The following PIP4K2C variants were observed in gnomAD, a reference collection of about 807,000 sequenced individuals.
PIP4K2C encodes phosphatidylinositol-5-phosphate 4-kinase type 2 gamma.
PIP4K2C carries 21 observed loss-of-function variants against 45.0 expected under a neutral mutation model. That is an observed-to-expected ratio of 0.47 (90% CI 0.33 to 0.67). The LOEUF is 0.67. Ranked by LOEUF, PIP4K2C falls within the 30% of genes least tolerant of loss-of-function variation. The probability of loss-of-function intolerance (pLI) is 0.02; values close to 1 mark genes in which losing one functional copy is unlikely to be tolerated. For synonymous variants in PIP4K2C, 201 were observed against 204.8 expected, an observed-to-expected ratio of 0.98 and a Z score of 0.16; for missense variants, 456 against 542.8, an observed-to-expected ratio of 0.84 and a Z score of 1.59.
chr12:57,600,246 G>A (rs1883370447), intron 6 of PIP4K2C, 78 bp from the exon 7 acceptor site: 1 of 824,346 alleles, frequency 1.2e-6, no homozygotes, highest in Middle Eastern at 3.1e-4. Context: ...AGCTAGCATA[G>A]AGCCCTAGAC....
In PIP4K2C at chr12:57,594,075, C is replaced by T; in HGVS notation, c.225C>T (p.Asp75=). 1 of 1,614,066 alleles carries T rather than the reference C, an allele frequency of 6.2e-7. No homozygotes were observed. Among genetic ancestry groups the T allele is most frequent in the Non-Finnish European group, 8.5e-7 (1 of 1,179,994 alleles). Residue 75 remains aspartate, a synonymous_variant, in exon 2 of 10, where the codon GAC becomes GAT. Transcript: ENST00000354947. ...CCCCGGTGATGCTGCTGCCAGATGACTTTAAGGCCAGCTCCAAGATCAAGG... is the reference window on the plus strand; with the variant it reads ...CCCCGGTGATGCTGCTGCCAGATGATTTTAAGGCCAGCTCCAAGATCAAGG... ...VPPPVMLLPD[D]FKASSKIKVN... is the part of the protein sequence containing the mutation.
chr12:57,593,039 T>C (rs1883029817), intron 1 of PIP4K2C, among the ~76,000 whole-genome samples: 1 of 151,994 alleles, frequency 6.6e-6, no homozygotes, highest in South Asian at 2.1e-4. Flanking sequence ...CTAGTAAGGA[T>C]AGGCAAGGCA....
chr12:57,600,191 A>G (rs1269837793), intron 6 of PIP4K2C, 133 bp from the exon 7 acceptor site: 1 of 530,198 alleles, frequency 1.9e-6, no homozygotes, highest in African/African-American at 2.0e-5. Flanking sequence ...AGGTGAGAAC[A>G]GACCAGGGAA....
intron 4 of PIP4K2C, among the ~76,000 whole-genome samples, chr12:57,597,090 A>C (rs1192657494): frequency 6.6e-6 from 1 of 152,212 alleles, no homozygotes; most frequent in East Asian, 1.9e-4. Flanking sequence ...CCAGATTGTA[A>C]AGAGGCTTAT....
chr12:57,595,115 C>T lies in PIP4K2C; in HGVS notation c.273-11C>T, dbSNP rs775648579. 3.9e-6 allele frequency: 6 copies of T among 1,555,492 alleles called. No homozygotes were observed. In the South Asian group the frequency reaches 5.6e-5, roughly 14 times the overall value. On this transcript the variant is annotated splice_polypyrimidine_tract_variant and intron_variant, in intron 2 of 9. Coordinates refer to ENST00000354947, the MANE Select transcript of PIP4K2C (RefSeq NM_024779.5). ...TTGTTTGTTTTCTTACTTTGAAAAC[C>T]TGAATTTCAGGGAAAATCTGCCCAG...
chr12:57,595,795 G>C, intron 3 of PIP4K2C, 93 bp from the exon 4 acceptor site: 2 of 1,369,562 alleles, frequency 1.5e-6, no homozygotes, highest in Non-Finnish European at 2.1e-6. Context: ...CCTACCCCAG[G>C]GATTCATCCA....
intron 7 of PIP4K2C, 33 bp downstream of exon 7, chr12:57,600,470 C>A: frequency 7.0e-7 from 1 of 1,435,090 alleles, no homozygotes; most frequent in South Asian, 1.2e-5. Flanking sequence ...AATGGCTTTC[C>A]TTTTTTTGCT....
chr12:57,603,231 ACT>A lies in PIP4K2C; in HGVS notation c.*1628_*1629del, dbSNP rs983383967. 4 of 152,024 alleles carry A rather than the reference ACT, an allele frequency of 2.6e-5. No individual in the cohort carries two copies. Among genetic ancestry groups the A allele is most frequent in the East Asian group, 3.9e-4 (2 of 5,174 alleles). The allele number at this position is 152,024 out of a possible 1,614,324, so 9.4% of individuals were successfully genotyped here. A position where few individuals can be genotyped will look rare whatever the true frequency, so the allele number is the denominator to read the frequency against. ...CCTTTCCCCCGATGAATGCAATAAA[ACT>A]CTGTGACACCAGCAACCATTGCTCT... On this transcript the variant is annotated 3_prime_UTR_variant, in exon 10 of 10. Transcript: ENST00000354947.
rs754830847 is a variant in PIP4K2C at position 57,600,441 on chromosome 12, A to G, written c.813+4A>G. The stretch of plus-strand genomic sequence containing the variant: ...GAAGCTGAAGAGAGATGTGGAGGTG[A>G]TGATTGGGTGCTCTGGGAAATGGCT... On this transcript the variant is annotated splice_donor_region_variant and intron_variant, in intron 7 of 9. Transcript: ENST00000354947. 1.3e-5 allele frequency: 20 copies of G among 1,571,446 alleles called. No homozygotes were observed. The highest frequency in any genetic ancestry group is 1.7e-5 in the Non-Finnish European group (19 of 1,142,534).
At position 57,601,525 on chromosome 12, in the gene PIP4K2C, G is replaced by A; in HGVS notation, c.1186-1G>A. On this transcript the variant is annotated splice_acceptor_variant, in intron 9 of 9. Coordinates refer to ENST00000354947, the MANE Select transcript of PIP4K2C (RefSeq NM_024779.5). LOFTEE classifies it high-confidence loss of function. ...ATATTGTTCCGTATCTCCTCTCACA[G>A]GCTGGGGCAGAGATCTCTACTGTCC... is the stretch of plus-strand genomic sequence containing the variant. The A allele has an allele frequency of 6.2e-7, 1 of 1,612,180 alleles. No individual in the cohort carries two copies. The highest frequency in any genetic ancestry group is 1.3e-5 in the African/African-American group (1 of 74,962).
At position 57,601,468 on chromosome 12, in the gene PIP4K2C, G is replaced by T. The variant is rs932014623; in HGVS notation, c.1186-58G>T. The T allele has an allele frequency of 3.2e-6, 5 of 1,548,384 alleles. No homozygotes were observed. The Admixed American group carries it at 6.7e-5, about 21-fold the overall frequency. On this transcript the variant is annotated intron_variant, in intron 9 of 9. Coordinates refer to ENST00000354947, the MANE Select transcript of PIP4K2C (RefSeq NM_024779.5). The stretch of plus-strand genomic sequence containing the variant: ...GGTGGTCTGGGGTAGATTGGGTGGG[G>T]GTGATGGGGACGGGTGCTAGGGTGG...
chr12:57,592,532 T>C (rs531881319), intron 1 of PIP4K2C, among the ~76,000 whole-genome samples: 1 of 152,290 alleles, frequency 6.6e-6, no homozygotes, highest in African/African-American at 2.4e-5. Context: ...TTTGTGGCTC[T>C]CTGGGTGGTA....
In PIP4K2C at chr12:57,595,117, G is replaced by A. The variant is rs768992479; in HGVS notation, c.273-9G>A. The stretch of plus-strand genomic sequence containing the variant: ...GTTTGTTTTCTTACTTTGAAAACCT[G>A]AATTTCAGGGAAAATCTGCCCAGTC... On this transcript the variant is annotated splice_polypyrimidine_tract_variant and intron_variant, in intron 2 of 9. Transcript: ENST00000354947. 1.3e-6 allele frequency: 2 copies of A among 1,565,612 alleles called. No homozygotes were observed. Among genetic ancestry groups the A allele is most frequent in the African/African-American group, 2.7e-5 (2 of 73,714 alleles).
chr12:57,594,972 AAAT>A (rs1258506531), intron 2 of PIP4K2C, among the ~76,000 whole-genome samples, 151 bp from the exon 3 acceptor site: 1 of 152,200 alleles, frequency 6.6e-6, no homozygotes, highest in East Asian at 1.9e-4. Flanking sequence ...CTGTCTCAAA[AAAT>A]AATAATAACA....
intron 4 of PIP4K2C, among the ~76,000 whole-genome samples, chr12:57,596,503 T>TAAA (rs11459804): frequency 2.1e-5 from 3 of 143,742 alleles, no homozygotes; most frequent in Non-Finnish European, 4.5e-5. Flanking sequence ...AAAAAAAGAT[T>TAAA]AAAAAAAAAA....
Position 57,599,506 on chromosome 12 carries a change from T to G in PIP4K2C, c.699+68T>G, listed in dbSNP as rs200740806. ...GGGAGGGCAGATGAGGGGAACTTCT[T>G]AGGATGGAGAGGCCACTCTATATAG... is the stretch of plus-strand genomic sequence containing the variant. On this transcript the variant is annotated intron_variant, in intron 6 of 9. Transcript: ENST00000354947. 56 of 1,560,814 alleles carry G rather than the reference T, an allele frequency of 3.6e-5. No individual in the cohort carries two copies. In the East Asian group the frequency reaches 1.3e-3, roughly 35 times the overall value.
Position 57,603,415 on chromosome 12 carries a change from C to A in PIP4K2C, c.*1809C>A, listed in dbSNP as rs1883536182. On this transcript the variant is annotated 3_prime_UTR_variant, in exon 10 of 10. Transcript: ENST00000354947. ...AATACAGGGAATAAATTATTCAATC[C>A]AAATTTCTGTACAGAAATGCCTTTT... 1 of 147,790 alleles carries A rather than the reference C, an allele frequency of 6.8e-6. No homozygotes were observed. The highest frequency in any genetic ancestry group is 1.5e-5 in the Non-Finnish European group (1 of 67,344). 9.2% of individuals were successfully genotyped at this position (147,790 alleles called of 1,614,324 possible).
chr12:57,593,628 T>G (rs1322884692), intron 1 of PIP4K2C, among the ~76,000 whole-genome samples: 1 of 151,972 alleles, frequency 6.6e-6, no homozygotes, highest in Non-Finnish European at 1.5e-5. Flanking sequence ...AAAATGCCTT[T>G]TTTTTTCTTT....
chr12:57,594,152 C>T, intron 2 of PIP4K2C, 30 bp downstream of exon 2: 1 of 1,535,850 alleles, frequency 6.5e-7, no homozygotes, highest in Non-Finnish European at 8.9e-7. Flanking sequence ...ATTCTCATGT[C>T]AACCTTCCCA....
Sources: allele counts gnomAD v4.1 joint callset (sites outside exome capture counted in the v4.1 genomes callset), GRCh38; gene constraint gnomAD v4.1.1; transcripts MANE v1.5; gene names NCBI Gene and HGNC (gene_info 2026-07-23, HGNC 2026-07-21).